ST7: variants seen among roughly 807,000 people sequenced by gnomAD.
ST7 encodes the protein suppression of tumorigenicity 7.
Under a neutral mutation model 78.7 loss-of-function variants are expected in ST7, and 28 were observed. The ratio of observed to expected loss-of-function variants is 0.36; its 90% confidence interval spans 0.26 to 0.49. ST7 has a LOEUF of 0.49. Ranked by LOEUF, ST7 falls within the 20% of genes least tolerant of loss-of-function variation. The probability of loss-of-function intolerance (pLI) is 0.99; values close to 1 mark genes in which losing one functional copy is unlikely to be tolerated. For missense variants in ST7, 418 were observed against 696.0 expected (o/e 0.60, Z 4.49); for synonymous variants, 247 against 249.6 (o/e 0.99, Z 0.10).
chr7:117,053,583 C>T (rs889063354), intron 1 of ST7, among the ~76,000 whole-genome samples: 1 of 152,212 alleles, frequency 6.6e-6, no homozygotes, highest in Admixed American at 6.5e-5. Context: ...TCCCAGCCCT[C>T]CACTGTGCCA....
intron 9 of ST7, among the ~76,000 whole-genome samples, chr7:117,165,103 G>A (rs1255659656): frequency 6.6e-6 from 1 of 152,186 alleles, no homozygotes; most frequent in East Asian, 1.9e-4. Flanking sequence ...GGAATGGCGT[G>A]TAATAGTCTG....
chr7:117,115,873 C>T (rs1301685276), intron 2 of ST7, among the ~76,000 whole-genome samples: 1 of 152,188 alleles, frequency 6.6e-6, no homozygotes, highest in Admixed American at 6.5e-5. Context: ...CAGGCCAGCC[C>T]TTATCATCCA....
chr7:117,115,424 A>C (rs1277564756), intron 2 of ST7, among the ~76,000 whole-genome samples: 1 of 145,330 alleles, frequency 6.9e-6, no homozygotes, highest in Non-Finnish European at 1.5e-5. Context: ...CCGCGATCTC[A>C]GCTCATTGCA....
At chr7:117,036,382 A>C (rs1796898138) in intron 1 of ST7, among the ~76,000 whole-genome samples, 1 of 152,186 alleles carries the variant, frequency 6.6e-6, no homozygotes, top group Non-Finnish European at 1.5e-5. Flanking sequence ...TAATGTCTGG[A>C]ATAAGGGATA....
At chr7:117,107,454 C>CATT (rs1403289483) in intron 2 of ST7, among the ~76,000 whole-genome samples, 1 of 151,996 alleles carries the variant, frequency 6.6e-6, no homozygotes, top group African/African-American at 2.4e-5. Context: ...TTATTATGGT[C>CATT]ATTCTTGCAG....
At chr7:117,078,851 C>T (rs901647697) in intron 1 of ST7, among the ~76,000 whole-genome samples, 1 of 152,164 alleles carries the variant, frequency 6.6e-6, no homozygotes. Flanking sequence ...AGTCATGACA[C>T]CAGCCCACTG....
intron 1 of ST7, among the ~76,000 whole-genome samples, chr7:117,025,592 T>C (rs1490493936): frequency 6.6e-6 from 1 of 152,138 alleles, no homozygotes; most frequent in African/African-American, 2.4e-5. Flanking sequence ...AAGAAAAATA[T>C]TGCATGACAT....
intron 1 of ST7, among the ~76,000 whole-genome samples, chr7:116,980,261 A>G (rs544472730): frequency 6.6e-6 from 1 of 152,182 alleles, no homozygotes; most frequent in African/African-American, 2.4e-5. Context: ...CCCAGCATTC[A>G]TATTCCTGAT....
At chr7:117,074,524 A>C (rs536144388) in intron 1 of ST7, among the ~76,000 whole-genome samples, 1 of 152,190 alleles carries the variant, frequency 6.6e-6, no homozygotes, top group African/African-American at 2.4e-5. Context: ...CACCCCACAC[A>C]CTGTGAGCTA....
At chr7:117,077,850 T>C (rs1222019118) in intron 1 of ST7, among the ~76,000 whole-genome samples, 4 of 150,210 alleles carry the variant, frequency 2.7e-5, no homozygotes, top group Admixed American at 6.6e-5. Flanking sequence ...CTTTCTTTTT[T>C]TTTTTTTTTT....
chr7:117,116,858 A>G (rs1358792726), intron 2 of ST7, among the ~76,000 whole-genome samples: 2 of 152,234 alleles, frequency 1.3e-5, no homozygotes, highest in Admixed American at 6.5e-5. Flanking sequence ...TGTCCAGTTA[A>G]TATGAGTCAT....
chr7:117,004,799 T>C (rs997106794), intron 1 of ST7, among the ~76,000 whole-genome samples: 11 of 152,188 alleles, frequency 7.2e-5, no homozygotes, highest in African/African-American at 1.2e-4. Context: ...TCTAAAAATA[T>C]AGGTTATAGC....
In ST7 at chr7:116,982,068, A is replaced by G. The variant is rs181554947; in HGVS notation, c.151+28377A>G. On this transcript the variant is annotated intron_variant, in intron 1 of 15. Coordinates refer to ENST00000323984, the MANE Select transcript of ST7 (RefSeq NM_001369598.1). ...GCTGCAACATCATTAGGTGATAGGA[A>G]CCTTTCAGTTCCACTTTAATCTTTT... Among the ~76,000 whole-genome samples, 30 of 152,280 alleles carry G rather than the reference A, an allele frequency of 2.0e-4. No homozygotes were observed. The East Asian group carries it at 4.8e-3, about 24-fold the overall frequency.
chr7:117,069,627 C>G (rs973827542), intron 1 of ST7, among the ~76,000 whole-genome samples: 2 of 152,198 alleles, frequency 1.3e-5, no homozygotes, highest in Non-Finnish European at 2.9e-5. Context: ...ATCCCCTTGA[C>G]TTGTTACTTC....
chr7:117,122,451 G>A (rs1354197762), intron 3 of ST7, among the ~76,000 whole-genome samples: 1 of 151,956 alleles, frequency 6.6e-6, no homozygotes, highest in Non-Finnish European at 1.5e-5. Context: ...ACTTTTGTTT[G>A]TATTTTTTAC....
intron 1 of ST7, among the ~76,000 whole-genome samples, chr7:117,044,701 C>T (rs1006795176): frequency 3.3e-5 from 5 of 152,102 alleles, no homozygotes; most frequent in African/African-American, 1.2e-4. Flanking sequence ...CAACTGTTGT[C>T]AGTGCCAAGA....
chr7:117,063,657 C>T (rs905962827), intron 1 of ST7, among the ~76,000 whole-genome samples: 4 of 152,008 alleles, frequency 2.6e-5, no homozygotes, highest in Non-Finnish European at 4.4e-5. Context: ...TGAAGTGAGC[C>T]GAGATTGTAC....
At chr7:117,131,659 C>T (rs1804367319) in intron 5 of ST7, among the ~76,000 whole-genome samples, 1 of 151,856 alleles carries the variant, frequency 6.6e-6, no homozygotes, top group Non-Finnish European at 1.5e-5. Context: ...ATTTCCTTAG[C>T]CTGTAGTTTT....
intron 1 of ST7, among the ~76,000 whole-genome samples, chr7:116,976,140 C>A (rs2116291403): frequency 6.6e-6 from 1 of 152,190 alleles, no homozygotes; most frequent in South Asian, 2.1e-4. Flanking sequence ...TGGCAGGAGC[C>A]TGCAATCTCA....
Sources: gnomAD v4.1 joint callset for allele counts (sites outside exome capture counted in the v4.1 genomes callset) on GRCh38, gnomAD v4.1.1 for gene constraint, MANE v1.5 for transcripts, NCBI Gene and HGNC (gene_info 2026-07-23, HGNC 2026-07-21) for gene names.